Variants in NPHS1 observed in about 807,000 individuals in gnomAD.
NPHS1 encodes the protein nephrin.
Under a neutral mutation model 139.7 loss-of-function variants are expected in NPHS1, and 107 were observed. The ratio of observed to expected loss-of-function variants is 0.77; its 90% CI spans 0.66 to 0.90. The LOEUF (loss-of-function observed/expected upper bound fraction) is 0.90. NPHS1 is among the 40% of genes least tolerant of loss of function. The pLI, the probability that NPHS1 is intolerant of heterozygous loss-of-function variation, is 0.00. For missense variants in NPHS1, 1,580 were observed against 1,654.2 expected, an observed-to-expected ratio of 0.96 and a Z score of 0.78; for synonymous variants, 707 against 706.6, an observed-to-expected ratio of 1.00 and a Z score of -0.01.
At chr19:35,833,577 A>G (rs1972912247) in intron 23 of NPHS1, among the ~76,000 whole-genome samples, 1 of 152,244 alleles carries the variant, frequency 6.6e-6, no homozygotes, top group Non-Finnish European at 1.5e-5. Flanking sequence ...GAAGAAACTC[A>G]GAAAGAAGCC....
At chr19:35,837,073 A>AGAAAG (rs765643414) in intron 22 of NPHS1, among the ~76,000 whole-genome samples, 4,987 of 130,124 alleles carry the variant, frequency 0.038, 113 homozygotes, top group East Asian at 0.071. Flanking sequence ...AAAGAAAGAA[A>AGAAAG]AATAAACTGA....
chr19:35,836,661 T>C (rs567434166), intron 22 of NPHS1, among the ~76,000 whole-genome samples: 4 of 151,508 alleles, frequency 2.6e-5, no homozygotes, highest in South Asian at 4.2e-4. Context: ...TTACTTCCAT[T>C]GAGAAAAAGC....
Position 35,848,625 on chromosome 19 carries a change from C to G in NPHS1, c.1170+12G>C. On this transcript the variant is annotated intron_variant, in intron 9 of 28. Coordinates refer to ENST00000378910, the MANE Select transcript of NPHS1 (RefSeq NM_004646.4). ...TCCATGCTCAGACCCAGGAGCCTGG[C>G]CCCCGCCTCACATCCATGACTGTCT... The G allele has an allele frequency of 6.2e-7, 1 of 1,612,740 alleles. No homozygotes were observed. The highest frequency in any genetic ancestry group is 8.5e-7 in the Non-Finnish European group (1 of 1,179,914).
In NPHS1 at chr19:35,835,771, G is replaced by A. The variant is rs1323738399; in HGVS notation, c.3110-10C>T. 6.2e-7 allele frequency: 1 copy of A among 1,612,366 alleles called. No individual in the cohort carries two copies. The highest frequency in any genetic ancestry group is 1.3e-5 in the African/African-American group (1 of 74,782). On this transcript the variant is annotated splice_polypyrimidine_tract_variant and intron_variant, in intron 22 of 28. Transcript: ENST00000378910. ...GAAGGCTGGTGGAGACCTGGGGGGT[G>A]GATATACAGATTGTGACTTAACACT...
At chr19:35,849,997 C>A (rs575524736) in intron 5 of NPHS1, among the ~76,000 whole-genome samples, 48 of 152,306 alleles carry the variant, frequency 3.2e-4, no homozygotes, top group African/African-American at 9.4e-4. Context: ...CTCACTGCAA[C>A]CTCCACTTCT....
intron 23 of NPHS1, among the ~76,000 whole-genome samples, chr19:35,835,197 C>T (rs1186547673): frequency 5.8e-5 from 3 of 51,476 alleles, no homozygotes; most frequent in African/African-American, 2.0e-4. Flanking sequence ...GAGACTCTGT[C>T]TCAAAAAAAA....
rs1049633693 is a variant in NPHS1, at chr19:35,826,552, C to T, written c.3688G>A (p.Asp1230Asn). Reference protein sequence around the residue: ...VAGDLDTLEPDSLPFELRGHL... With the variant: ...VAGDLDTLEPNSLPFELRGHL... ...CCCCTCAGCTCGAAGGGCAGAGAATCGGGTTCCAGAGTGTCCAAGTCTCCG... is the reference window on the plus strand; with the variant it reads ...CCCCTCAGCTCGAAGGGCAGAGAATTGGGTTCCAGAGTGTCCAAGTCTCCG... Residue 1230 changes from aspartate to asparagine, a missense_variant, in exon 29 of 29, where the codon GAT (aspartate) becomes AAT (asparagine). Physicochemically the swap from Asp to Asn is conservative, Grantham distance 23 (BLOSUM62 1). Transcript: ENST00000378910. The T allele has an allele frequency of 6.8e-6, 11 of 1,613,824 alleles. No individual in the cohort carries two copies. The highest frequency in any genetic ancestry group is 5.3e-5 in the African/African-American group (4 of 74,890).
In NPHS1 at chr19:35,826,236, C is replaced by T. The variant is rs757951513; in HGVS notation, c.*278G>A. The T allele has an allele frequency of 5.6e-5, 23 of 408,000 alleles. No individual in the cohort carries two copies. In the East Asian group the frequency reaches 5.8e-4, roughly 10 times the overall value. 25.3% of individuals were successfully genotyped at this position (408,000 alleles called of 1,614,324 possible). On this transcript the variant is annotated 3_prime_UTR_variant, in exon 29 of 29. Transcript: ENST00000378910. ...TGCTGGGATTATAGGCGTGAGTCAC[C>T]GCACCCGGCAGCATTTCATTTTTGA... is the stretch of plus-strand genomic sequence containing the variant.
Position 35,839,256 on chromosome 19 carries a change from C to T in NPHS1, c.3090G>A (p.Gln1030=), listed in dbSNP as rs1379636343. The T allele has an allele frequency of 2.5e-6, 4 of 1,614,214 alleles. No individual in the cohort carries two copies. Among genetic ancestry groups the T allele is most frequent in the African/African-American group, 1.3e-5 (1 of 75,052 alleles). The change falls in exon 22 of 29, where the codon CAG becomes CAA. Residue 1030 remains glutamine (Q), a synonymous_variant. Transcript: ENST00000378910. Reference sequence around the variant, plus strand: ...TCCCACCTGGGGTAGTGATGGGAAGCTGGGTCCCTTTGTCAGCCAGTCCAC... The same window carrying T: ...TCCCACCTGGGGTAGTGATGGGAAGTTGGGTCCCTTTGTCAGCCAGTCCAC... The part of the protein sequence containing the change: ...GDSGLADKGT[Q]LPITTPGLHQ...
chr19:35,842,401 C>G lies in NPHS1; in HGVS notation c.2484G>C (p.Arg828=), dbSNP rs1028293623. 6.2e-7 allele frequency: 1 copy of G among 1,613,936 alleles called. No homozygotes were observed. Among genetic ancestry groups the G allele is most frequent in the East Asian group, 2.2e-5 (1 of 44,900 alleles). ...CACATCTGACAACAAGACGGAGCAG[C>G]CGTCGTGCTGGAGGCGCCACCCCAT... is the stretch of plus-strand genomic sequence containing the variant. ...VDNGVAPPAR[R]LLRLVVRFAP... The change falls in exon 18 of 29, where the codon CGG becomes CGC. Residue 828 remains arginine (R), a synonymous_variant. Coordinates refer to ENST00000378910, the MANE Select transcript of NPHS1 (RefSeq NM_004646.4).
At chr19:35,834,902 AT>A (rs1403718873) in intron 23 of NPHS1, among the ~76,000 whole-genome samples, 9 of 148,814 alleles carry the variant, frequency 6.0e-5, no homozygotes, top group Non-Finnish European at 1.2e-4. Flanking sequence ...AAATAAAAAA[AT>A]AAAAAAAAAA....
chr19:35,843,896 C>T, intron 16 of NPHS1: 1 of 746,486 alleles, frequency 1.3e-6, no homozygotes, highest in Non-Finnish European at 2.1e-6. Context: ...AGGCGGGCAC[C>T]CTCTCTGGGC....
rs1973090826 is a variant in NPHS1 at position 35,843,573 on chromosome 19, G to A, written c.2233C>T (p.Leu745Phe). The change falls in exon 17 of 29, where the codon CTC becomes TTC. Residue 745 changes from leucine to phenylalanine, a missense_variant. Leu to Phe is a conservative substitution (Grantham distance 22). Transcript: ENST00000378910. ...DVHYAPTIRA[L>F]QDPTEVNVGG... The stretch of plus-strand genomic sequence containing the variant: ...ACGTTCACCTCAGTGGGGTCCTGGA[G>A]GGCACGGATGGTGGGAGCATCTGGT... 5.0e-6 allele frequency: 8 copies of A among 1,614,108 alleles called. No homozygotes were observed. The highest frequency in any genetic ancestry group is 5.1e-6 in the Non-Finnish European group (6 of 1,179,960).
intron 22 of NPHS1, among the ~76,000 whole-genome samples, chr19:35,838,007 T>A (rs1972997465): frequency 6.8e-6 from 1 of 146,744 alleles, no homozygotes; most frequent in Admixed American, 6.8e-5. Flanking sequence ...ATCCCAACAC[T>A]TTGGGAGACC....
intron 28 of NPHS1, among the ~76,000 whole-genome samples, chr19:35,829,328 T>C (rs922061226): frequency 6.6e-6 from 1 of 152,236 alleles, no homozygotes; most frequent in Non-Finnish European, 1.5e-5. Context: ...ATACTCTTTC[T>C]TTGAAGATTT....
chr19:35,851,884 C>T lies in NPHS1; in HGVS notation c.-47G>A, dbSNP rs1973276153. 6.6e-7 allele frequency: 1 copy of T among 1,510,150 alleles called. No homozygotes were observed. Among genetic ancestry groups the T allele is most frequent in the African/African-American group, 1.4e-5 (1 of 72,098 alleles). 93.5% of individuals were successfully genotyped at this position (1,510,150 alleles called of 1,614,324 possible). ...CCCCACAGCGCCCGCTGCCAGCCAC[C>T]TGCGTCTGTCTGGCTTTCTCTGGGT... On this transcript the variant is annotated 5_prime_UTR_variant, in exon 1 of 29. Transcript: ENST00000378910.
At position 35,843,879 on chromosome 19, in the gene NPHS1, C is replaced by T. The variant is rs913308035; in HGVS notation, c.2212+224G>A. 1.0e-5 allele frequency: 7 copies of T among 685,694 alleles called. No homozygotes were observed. In the African/African-American group the frequency reaches 1.1e-4, roughly 11 times the overall value. 42.5% of individuals were successfully genotyped at this position (685,694 alleles called of 1,614,324 possible). A position where few individuals can be genotyped will look rare whatever the true frequency, so the allele number is the denominator to read the frequency against. The stretch of plus-strand genomic sequence containing the variant: ...TCTCATTCCTGACGGGAGCAGCTTC[C>T]GTGTCTAGGCGGGCACCCTCTCTGG... On this transcript the variant is annotated intron_variant, in intron 16 of 28. Coordinates refer to ENST00000378910, the MANE Select transcript of NPHS1 (RefSeq NM_004646.4).
chr19:35,849,088 A>G lies in NPHS1; in HGVS notation c.900T>C (p.Ser300=), dbSNP rs1973188882. ...CTGGCCTCACGGTCATCACCAGCAC[A>G]CTGCGGGCCACCGCCTGGGTGTGCT... ...GTEHTQAVAR[S]VLVMTVRPED... The change falls in exon 8 of 29, where the codon AGT becomes AGC. Residue 300 remains serine (S), a synonymous_variant. Coordinates refer to ENST00000378910, the MANE Select transcript of NPHS1 (RefSeq NM_004646.4). 3 of 1,609,968 alleles carry G rather than the reference A, an allele frequency of 1.9e-6. No homozygotes were observed. The highest frequency in any genetic ancestry group is 2.5e-6 in the Non-Finnish European group (3 of 1,179,994).
At chr19:35,849,399 G>T in intron 6 of NPHS1, 36 bp from the exon 7 acceptor site, 1 of 1,604,720 alleles carries the variant, frequency 6.2e-7, no homozygotes, top group South Asian at 1.1e-5. Flanking sequence ...GCCTGGAGTA[G>T]CCCATCCACT....
Sources: gnomAD v4.1 joint callset for allele counts (sites outside exome capture counted in the v4.1 genomes callset) on GRCh38, gnomAD v4.1.1 for gene constraint, MANE v1.5 for transcripts, NCBI Gene and HGNC (gene_info 2026-07-23, HGNC 2026-07-21) for gene names.